LAMB1: variants seen among roughly 807,000 people sequenced by gnomAD.
LAMB1 encodes the protein laminin subunit beta-1.
A neutral mutation model predicts 222.3 loss-of-function variants in LAMB1; 121 were observed. The observed-to-expected ratio is 0.54, with a 90% confidence interval of 0.47 to 0.63. The LOEUF is 0.63. Ranked by LOEUF, LAMB1 falls within the 30% of genes least tolerant of loss-of-function variation. The pLI, the probability that LAMB1 is intolerant of heterozygous loss-of-function variation, is 0.00. For synonymous variants in LAMB1, 794 were observed against 807.2 expected (o/e 0.98, Z 0.28); for missense variants, 2,172 against 2,240.8 (o/e 0.97, Z 0.62).
chr7:107,961,679 A>AG lies in LAMB1; in HGVS notation c.1858-4dup. 6.2e-7 allele frequency: 1 copy of AG among 1,612,590 alleles called. No individual in the cohort carries two copies. Among genetic ancestry groups the AG allele is most frequent in the Non-Finnish European group, 8.5e-7 (1 of 1,178,728 alleles). On this transcript the variant is annotated splice_region_variant and splice_polypyrimidine_tract_variant and intron_variant, in intron 15 of 33. Coordinates refer to ENST00000222399, the MANE Select transcript of LAMB1 (RefSeq NM_002291.3). Reference sequence around the variant, plus strand: ...GCTTTTTCCCAGTGGTCGGGTAGCTAGAATAAGAAACAAACAATGAAAAGA... The same window carrying AG: ...GCTTTTTCCCAGTGGTCGGGTAGCTAGGAATAAGAAACAAACAATGAAAAGA...
intron 4 of LAMB1, among the ~76,000 whole-genome samples, chr7:107,995,523 T>C (rs1265715500): frequency 6.6e-6 from 1 of 152,202 alleles, no homozygotes; most frequent in Non-Finnish European, 1.5e-5. Flanking sequence ...TGGATGCATT[T>C]CCACAATGAA....
chr7:107,929,357 T>TTA (rs1394392009), intron 30 of LAMB1, 55 bp downstream of exon 30: 2 of 1,542,498 alleles, frequency 1.3e-6, no homozygotes, highest in Non-Finnish European at 1.8e-6. Flanking sequence ...GAGATACTTT[T>TTA]TACTCCATGA....
At chr7:107,938,866 A>G (rs2032911763) in intron 25 of LAMB1, among the ~76,000 whole-genome samples, 1 of 152,190 alleles carries the variant, frequency 6.6e-6, no homozygotes, top group Non-Finnish European at 1.5e-5. Flanking sequence ...CTTGACATCA[A>G]GGTCCAGTTA....
At chr7:107,982,700 C>G (rs886201503) in intron 7 of LAMB1, among the ~76,000 whole-genome samples, 90 of 152,154 alleles carry the variant, frequency 5.9e-4, no homozygotes, top group Non-Finnish European at 4.7e-4. Context: ...ATGCTCCCCC[C>G]ACTCTCTCCT....
At chr7:107,994,612 CT>C (rs2150452896) in intron 5 of LAMB1, among the ~76,000 whole-genome samples, 1 of 152,290 alleles carries the variant, frequency 6.6e-6, no homozygotes, top group African/African-American at 2.4e-5. Context: ...TCAACACTGC[CT>C]TACTCTATGG....
chr7:107,928,864 C>T (rs2032633690), intron 31 of LAMB1, among the ~76,000 whole-genome samples, 200 bp downstream of exon 31: 1 of 150,588 alleles, frequency 6.6e-6, no homozygotes, highest in Admixed American at 6.6e-5. Context: ...GGTCCAGTGT[C>T]TGAATCAGAG....
rs746585437 is a variant in LAMB1 at position 107,972,976 on chromosome 7, G to A, written c.1562+16C>T. On this transcript the variant is annotated intron_variant, in intron 13 of 33. Transcript: ENST00000222399. ...TGGAAGACTGAGGACAAGAGCATACGTAGAGCTCCATTTACCTGTTGTTTA... is the reference window on the plus strand; with the variant it reads ...TGGAAGACTGAGGACAAGAGCATACATAGAGCTCCATTTACCTGTTGTTTA... The A allele has an allele frequency of 7.5e-6, 12 of 1,595,238 alleles. No individual in the cohort carries two copies. The highest frequency in any genetic ancestry group is 1.7e-4 in the Middle Eastern group (1 of 6,050).
intron 13 of LAMB1, among the ~76,000 whole-genome samples, chr7:107,966,712 C>T (rs1311999804): frequency 6.6e-6 from 1 of 152,152 alleles, no homozygotes; most frequent in Non-Finnish European, 1.5e-5. Flanking sequence ...AAACATGAAC[C>T]ACCAAAGAAG....
In LAMB1 at chr7:108,001,723, T is replaced by C. The variant is rs1465812090; in HGVS notation, c.48A>G (p.Arg16=). The change falls in exon 3 of 34, where the codon AGA becomes AGG. Residue 16 remains arginine (R), a synonymous_variant. Coordinates refer to ENST00000222399, the MANE Select transcript of LAMB1 (RefSeq NM_002291.3). ...CGGGTTCCTGAGCGCGCACTCGGGC[T>C]CTGCACAGGGCTGCGGGAAGGACAG... ...LLAFSFLALC[R]ARVRAQEPEF... is the part of the protein sequence containing the mutation. 1.2e-6 allele frequency: 2 copies of C among 1,612,348 alleles called. No homozygotes were observed. The highest frequency in any genetic ancestry group is 1.1e-5 in the South Asian group (1 of 90,932).
intron 5 of LAMB1, among the ~76,000 whole-genome samples, chr7:107,993,381 G>A (rs1333153262): frequency 1.3e-5 from 2 of 152,076 alleles, no homozygotes; most frequent in Non-Finnish European, 1.5e-5. Context: ...TGATCTGCCC[G>A]CCTTGGCCTC....
intron 21 of LAMB1, 68 bp downstream of exon 21, chr7:107,955,399 A>T: frequency 7.3e-7 from 1 of 1,377,228 alleles, no homozygotes; most frequent in Non-Finnish European, 9.8e-7. Flanking sequence ...TTTTTTTCTC[A>T]TTAACAATGA....
intron 29 of LAMB1, 95 bp from the exon 30 acceptor site, chr7:107,929,714 G>A (rs1195629161): frequency 3.1e-6 from 3 of 975,460 alleles, no homozygotes; most frequent in African/African-American, 1.6e-5. Context: ...GACTAGCATG[G>A]TGGGGTTACA....
intron 5 of LAMB1, among the ~76,000 whole-genome samples, chr7:107,993,849 C>T (rs2034232317): frequency 6.6e-6 from 1 of 152,166 alleles, no homozygotes; most frequent in Non-Finnish European, 1.5e-5. Context: ...AGTCACAGTG[C>T]CCACCTTCCT....
chr7:107,941,063 C>CAGTA (rs2032970190), intron 24 of LAMB1, among the ~76,000 whole-genome samples: 1 of 152,160 alleles, frequency 6.6e-6, no homozygotes, highest in South Asian at 2.1e-4. Flanking sequence ...TGACCACTGC[C>CAGTA]AGTACTACAA....
intron 4 of LAMB1, among the ~76,000 whole-genome samples, chr7:107,997,038 C>A (rs1334103743): frequency 6.6e-6 from 1 of 152,160 alleles, no homozygotes; most frequent in South Asian, 2.1e-4. Flanking sequence ...TTTCTGATGA[C>A]CCAATGAAGT....
chr7:107,979,994 G>A (rs1214862761), intron 8 of LAMB1, among the ~76,000 whole-genome samples: 4 of 152,092 alleles, frequency 2.6e-5, no homozygotes, highest in African/African-American at 7.2e-5. Flanking sequence ...GATCACTTGA[G>A]GTCAGGAGTT....
chr7:107,969,964 C>T (rs2033714045), intron 13 of LAMB1, among the ~76,000 whole-genome samples: 1 of 152,192 alleles, frequency 6.6e-6, no homozygotes, highest in Non-Finnish European at 1.5e-5. Context: ...ATAAAAATAT[C>T]TACTAACTTC....
intron 13 of LAMB1, among the ~76,000 whole-genome samples, chr7:107,970,073 T>C (rs973330939): frequency 1.3e-5 from 2 of 152,152 alleles, no homozygotes; most frequent in African/African-American, 4.8e-5. Flanking sequence ...AAAACAAAGA[T>C]GACATAATCT....
Position 107,975,006 on chromosome 7 carries a change from G to A in LAMB1, c.1462C>T (p.Gln488Ter), listed in dbSNP as rs1050129795. Reference sequence around the variant, plus strand: ...CTTACCAGGCACTGGTCACAATGCTGTCCTGTCACCAGACGCTTGCAGTAG... The same window carrying A: ...CTTACCAGGCACTGGTCACAATGCTATCCTGTCACCAGACGCTTGCAGTAG... ...HCYCKRLVTGQHCDQCLPEHW... is the reference protein window; with the variant it reads ...HCYCKRLVTG The change falls in exon 12 of 34, where the codon CAG becomes TAG. Residue 488 changes from glutamine (Q) to a stop codon, truncating the protein, a stop_gained. Transcript: ENST00000222399. LOFTEE classifies it high-confidence loss of function. The A allele has an allele frequency of 6.2e-7, 1 of 1,604,306 alleles. No homozygotes were observed. The highest frequency in any genetic ancestry group is 8.5e-7 in the Non-Finnish European group (1 of 1,171,736).
Sources: gnomAD v4.1 joint callset for allele counts (sites outside exome capture counted in the v4.1 genomes callset) on GRCh38, gnomAD v4.1.1 for gene constraint, MANE v1.5 for transcripts, NCBI Gene and HGNC (gene_info 2026-07-23, HGNC 2026-07-21) for gene names.